Variants in EBF4 observed in about 807,000 individuals in gnomAD.
The protein encoded by EBF4 is EBF transcription factor 4, also known as transcription factor COE4.
Under a neutral mutation model 67.1 loss-of-function variants are expected in EBF4, and 34 were observed. That is an observed-to-expected ratio of 0.51 (90% CI 0.39 to 0.67). The LOEUF (loss-of-function observed/expected upper bound fraction) is 0.67, where lower values mean the gene tolerates loss of function less well. Ranked by LOEUF, EBF4 falls within the 30% of genes least tolerant of loss-of-function variation. EBF4 has a pLI of 0.00. For missense variants in EBF4, 837 were observed against 873.3 expected, an observed-to-expected ratio of 0.96 and a Z score of 0.52; for synonymous variants, 387 against 377.7, an observed-to-expected ratio of 1.02 and a Z score of -0.29.
Position 2,755,604 on chromosome 20 carries a change from CCCCT to C in EBF4, c.1541-19_1541-16del. On this transcript the variant is annotated intron_variant, in intron 14 of 16. Transcript: ENST00000609451. The surrounding 1 kb of genome is among the most constrained non-coding windows in gnomAD (Gnocchi z 4.7). ...CCCACCACCTTCCCTGCTGCGCCTG[CCCCT>C]CCCCGCCCCGCCCCGGAGTCATGCC... The C allele has an allele frequency of 9.7e-7, 1 of 1,034,886 alleles. No individual in the cohort carries two copies. 64.1% of individuals were successfully genotyped at this position (1,034,886 alleles called of 1,614,324 possible). A position where few individuals can be genotyped will look rare whatever the true frequency, so the allele number is the denominator to read the frequency against.
intron 6 of EBF4, among the ~76,000 whole-genome samples, chr20:2,723,089 A>G (rs1473729474): frequency 2.6e-5 from 4 of 152,180 alleles, no homozygotes; most frequent in African/African-American, 4.8e-5. Flanking sequence ...TTTGACACAT[A>G]TATATTATTA....
intron 6 of EBF4, among the ~76,000 whole-genome samples, chr20:2,713,469 G>T (rs1376117262): frequency 6.6e-5 from 10 of 152,194 alleles, no homozygotes; most frequent in Admixed American, 6.5e-4. Flanking sequence ...ATCCAAGAGA[G>T]TGAGTGAACC....
Position 2,745,701 on chromosome 20 carries a change from G to T in EBF4, c.558-2848G>T, listed in dbSNP as rs1222246944. Among the ~76,000 whole-genome samples, 1 of 152,182 alleles carries T rather than the reference G, an allele frequency of 6.6e-6. No homozygotes were observed. Among genetic ancestry groups the T allele is most frequent in the African/African-American group, 2.4e-5 (1 of 41,440 alleles). ...CTTGGGGAGGGCAGAAGTAAAGGAT[G>T]TCCCAGAGGCAGGACTAGAAGGTGT... On this transcript the variant is annotated intron_variant, in intron 6 of 16. Transcript: ENST00000609451. The surrounding 1 kb of genome is among the most constrained non-coding windows in gnomAD (Gnocchi z 5.2).
chr20:2,699,170 G>A lies in EBF4; in HGVS notation c.137+5388G>A, dbSNP rs1207851289. 1.3e-5 allele frequency among the ~76,000 whole-genome samples: 2 copies of A among 152,194 alleles called. 1 individual carries two copies. On this transcript the variant is annotated intron_variant, in intron 1 of 16. Transcript: ENST00000609451. The stretch of plus-strand genomic sequence containing the variant: ...TCCCGGGACCTGCTGGGCAGCCCCA[G>A]CAATAGCAGTCAGACACCTCTGCAG...
intron 6 of EBF4, among the ~76,000 whole-genome samples, chr20:2,731,105 G>A (rs1001483175): frequency 1.3e-5 from 2 of 152,038 alleles, no homozygotes; most frequent in South Asian, 4.1e-4. Flanking sequence ...CACCATGTTG[G>A]TCAGGCTGGT....
intron 6 of EBF4, among the ~76,000 whole-genome samples, chr20:2,726,649 T>C (rs759035201): frequency 4.6e-5 from 7 of 152,134 alleles, no homozygotes; most frequent in Non-Finnish European, 1.0e-4. Context: ...AACTGGTAGA[T>C]CTAGTCCTTT....
At position 2,755,603 on chromosome 20, in the gene EBF4, G is replaced by GCCCC; in HGVS notation, c.1541-23_1541-20dup. 9 of 1,077,716 alleles carry GCCCC rather than the reference G, an allele frequency of 8.4e-6. No individual in the cohort carries two copies. Among genetic ancestry groups the GCCCC allele is most frequent in the African/African-American group, 3.1e-5 (2 of 64,230 alleles). The allele number at this position is 1,077,716 out of a possible 1,614,324, so 66.8% of individuals were successfully genotyped here. The stretch of plus-strand genomic sequence containing the variant: ...TCCCACCACCTTCCCTGCTGCGCCT[G>GCCCC]CCCCTCCCCGCCCCGCCCCGGAGTC... On this transcript the variant is annotated intron_variant, in intron 14 of 16. Coordinates refer to ENST00000609451, the Ensembl canonical transcript of EBF4. The surrounding 1 kb of genome is among the most constrained non-coding windows in gnomAD (Gnocchi z 4.7).
intron 6 of EBF4, among the ~76,000 whole-genome samples, chr20:2,735,822 C>G (rs1477655646): frequency 6.6e-6 from 1 of 152,010 alleles, no homozygotes; most frequent in Non-Finnish European, 1.5e-5. Flanking sequence ...ATTATGTAAA[C>G]AACAATTTAT....
rs1376854238 is a variant in EBF4 at position 2,693,617 on chromosome 20, G to A, written c.-29G>A. Reference sequence around the variant, plus strand: ...CCTCAGCGGGACCGGATCCGGGGCGGCGGGGGCGCTCACTCACCGCGCGCC... The same window carrying A: ...CCTCAGCGGGACCGGATCCGGGGCGACGGGGGCGCTCACTCACCGCGCGCC... On this transcript the variant is annotated 5_prime_UTR_variant, in exon 1 of 17. Transcript: ENST00000609451. This position sits in a 1 kb window ranked among gnomAD's most constrained non-coding sequence, Gnocchi z 4.6. 7 of 1,363,910 alleles carry A rather than the reference G, an allele frequency of 5.1e-6. No individual in the cohort carries two copies. In the Admixed American group the frequency reaches 1.4e-4, roughly 28 times the overall value. The allele number at this position is 1,363,910 out of a possible 1,614,324, so 84.5% of individuals were successfully genotyped here.
intron 1 of EBF4, among the ~76,000 whole-genome samples, chr20:2,703,681 C>T (rs1320363631): frequency 1.4e-5 from 2 of 146,396 alleles, no homozygotes; most frequent in African/African-American, 5.0e-5. Flanking sequence ...AAAGGCGGGG[C>T]AGGTCTTGAG....
In EBF4 at chr20:2,755,974, G is replaced by T; in HGVS notation, c.1738+150G>T. On this transcript the variant is annotated intron_variant, in intron 15 of 16. Transcript: ENST00000609451. The surrounding 1 kb of genome is among the most constrained non-coding windows in gnomAD (Gnocchi z 4.7). ...AGGACGGAGAGCAGGGAGCTCTGCTGGGGTCCAGGGAGGTCCCTCTGGCCC... is the reference window on the plus strand; with the variant it reads ...AGGACGGAGAGCAGGGAGCTCTGCTTGGGTCCAGGGAGGTCCCTCTGGCCC... 1.1e-6 allele frequency: 1 copy of T among 875,716 alleles called. No individual in the cohort carries two copies. Among genetic ancestry groups the T allele is most frequent in the Non-Finnish European group, 1.7e-6 (1 of 588,112 alleles). The allele number at this position is 875,716 out of a possible 1,614,324, so 54.2% of individuals were successfully genotyped here.
chr20:2,705,593 C>G (rs1333796378), exon 2 of EBF4: 6 of 1,552,148 alleles, frequency 3.9e-6, no homozygotes, highest in Non-Finnish European at 5.2e-6. Context: ...GGGTCTGGCA[C>G]GAGCACATTT....
chr20:2,693,928 A>G lies in EBF4; in HGVS notation c.137+146A>G, dbSNP rs1372793391. 1.8e-6 allele frequency: 2 copies of G among 1,105,508 alleles called. No individual in the cohort carries two copies. The highest frequency in any genetic ancestry group is 3.2e-5 in the African/African-American group (2 of 61,708). 68.5% of individuals were successfully genotyped at this position (1,105,508 alleles called of 1,614,324 possible). On this transcript the variant is annotated intron_variant, in intron 1 of 16. Transcript: ENST00000609451. The surrounding 1 kb of genome is among the most constrained non-coding windows in gnomAD (Gnocchi z 4.6). The stretch of plus-strand genomic sequence containing the variant: ...GAGCTCCCCGGCCCACCCCGTCCGG[A>G]GTGCCTGTGCTGCCTCCTGAGGCTG...
rs971229730 is a variant in EBF4, at chr20:2,747,260, C to T, written c.558-1289C>T. 3.4e-5 allele frequency among the ~76,000 whole-genome samples: 5 copies of T among 148,810 alleles called. No individual in the cohort carries two copies. The highest frequency in any genetic ancestry group is 1.2e-4 in the African/African-American group (5 of 40,120). On this transcript the variant is annotated intron_variant, in intron 6 of 16. Transcript: ENST00000609451. This position sits in a 1 kb window ranked among gnomAD's most constrained non-coding sequence, Gnocchi z 4.6. Reference sequence around the variant, plus strand: ...CCAGGAGGTGGAGGTTGCAGTGAGACATGGCGAGCCTGGGCAACAGAGCAA... The same window carrying T: ...CCAGGAGGTGGAGGTTGCAGTGAGATATGGCGAGCCTGGGCAACAGAGCAA...
At chr20:2,701,501 T>TG (rs1030204045) in intron 1 of EBF4, among the ~76,000 whole-genome samples, 7 of 152,188 alleles carry the variant, frequency 4.6e-5, no homozygotes, top group African/African-American at 1.4e-4. Flanking sequence ...TGGCAGGAGC[T>TG]GGGGGGCAGC....
At chr20:2,759,536 T>C (rs1014244227), downstream of EBF4, 1 of 158,864 alleles carries the variant, frequency 6.3e-6, no homozygotes, top group African/African-American at 2.4e-5. Flanking sequence ...GTGCTGGGAT[T>C]CTGGGCCTCA....
rs1491536938 is a variant in EBF4 at position 2,747,321 on chromosome 20, A to AC, written c.558-1228_558-1227insC. Among the ~76,000 whole-genome samples the AC allele has an allele frequency of 6.7e-6, 1 of 148,848 alleles. No individual in the cohort carries two copies. Among genetic ancestry groups the AC allele is most frequent in the East Asian group, 1.9e-4 (1 of 5,170 alleles). Reference sequence around the variant, plus strand: ...CAAAACAAAAAACAAAACAAACAAAAAAAAAAAAACAGGAAAAAAAAGAGT... The same window carrying AC: ...CAAAACAAAAAACAAAACAAACAAAACAAAAAAAAACAGGAAAAAAAAGAGT... On this transcript the variant is annotated intron_variant, in intron 6 of 16. Coordinates refer to ENST00000609451, the Ensembl canonical transcript of EBF4. The surrounding 1 kb of genome is among the most constrained non-coding windows in gnomAD (Gnocchi z 4.6).
At chr20:2,695,800 T>C (rs2087280744) in intron 1 of EBF4, among the ~76,000 whole-genome samples, 1 of 152,164 alleles carries the variant, frequency 6.6e-6, no homozygotes, top group Non-Finnish European at 1.5e-5. Flanking sequence ...GCCTGGTTTC[T>C]CTCCCTCTCA....
intron 3 of EBF4, 24 bp downstream of exon 3, chr20:2,706,061 C>G: frequency 6.4e-7 from 1 of 1,551,148 alleles, no homozygotes; most frequent in Non-Finnish European, 8.7e-7. Flanking sequence ...CCTGCCCTAC[C>G]CAGCCCTGCC....
Sources: gnomAD v4.1 joint callset for allele counts (sites outside exome capture counted in the v4.1 genomes callset) on GRCh38, gnomAD v4.1.1 for gene constraint, Gnocchi (gnomAD v3.1) non-coding constraint, MANE v1.5 for transcripts, NCBI Gene and HGNC (gene_info 2026-07-23, HGNC 2026-07-21) for gene names.